Variants in DEPDC5 observed in about 807,000 individuals in gnomAD.
DEPDC5 encodes DEP domain containing 5, GATOR1 subcomplex subunit, also known as GATOR1 complex protein DEPDC5.
In DEPDC5, 73 loss-of-function variants were observed where a neutral mutation model predicts 217.3. The ratio of observed to expected loss-of-function variants is 0.34; its 90% CI spans 0.28 to 0.41. The LOEUF (loss-of-function observed/expected upper bound fraction) is 0.41. DEPDC5 is among the 10% of genes least tolerant of loss of function. The probability of loss-of-function intolerance (pLI) is 1.00; values close to 1 mark genes in which losing one functional copy is unlikely to be tolerated. For missense variants in DEPDC5, 1,675 were observed against 2,070.1 expected, an observed-to-expected ratio of 0.81 and a Z score of 3.70; for synonymous variants, 733 against 756.7, an observed-to-expected ratio of 0.97 and a Z score of 0.51.
At chr22:31,814,359 C>A (rs1033957481) in intron 20 of DEPDC5, 1 of 152,372 alleles carries the variant, frequency 6.6e-6, no homozygotes, top group Non-Finnish European at 1.5e-5. Flanking sequence ...TCCCTAAATG[C>A]CCTCTAATAG....
Position 31,758,393 on chromosome 22 carries a change from C to G in DEPDC5, c.59-153C>G. On this transcript the variant is annotated intron_variant, in intron 2 of 42. Transcript: ENST00000651528. ...TGTAGCTTGGTGTTCCTGTGTGAAT[C>G]CATTAGTCATTGTAAGCCTCGTTTC... The G allele has an allele frequency of 6.1e-6, 4 of 655,892 alleles. No homozygotes were observed. In the South Asian group the frequency reaches 6.9e-5, roughly 11 times the overall value. 40.6% of individuals were successfully genotyped at this position (655,892 alleles called of 1,614,324 possible).
intron 12 of DEPDC5, among the ~76,000 whole-genome samples, chr22:31,796,179 C>A (rs1349139409): frequency 6.7e-6 from 1 of 149,628 alleles, no homozygotes; most frequent in Non-Finnish European, 1.5e-5. Context: ...TGGCTCACTG[C>A]AAGCTCTGCC....
chr22:31,784,635 AAG>A, intron 9 of DEPDC5, 177 bp from the exon 10 acceptor site: 1 of 497,192 alleles, frequency 2.0e-6, no homozygotes, highest in African/African-American at 2.0e-5. Flanking sequence ...AAAAAAAAAA[AAG>A]ATGTACAAAA....
chr22:31,800,677 A>T (rs2086773498), intron 14 of DEPDC5, among the ~76,000 whole-genome samples: 1 of 151,870 alleles, frequency 6.6e-6, no homozygotes, highest in East Asian at 1.9e-4. Context: ...AATCTACTTT[A>T]AAAAAAATTA....
At chr22:31,877,117 T>C (rs1163430519) in intron 37 of DEPDC5, among the ~76,000 whole-genome samples, 1 of 151,648 alleles carries the variant, frequency 6.6e-6, no homozygotes, top group Non-Finnish European at 1.5e-5. Context: ...TACTGCAGCC[T>C]GGTTGACAGT....
chr22:31,785,282 GTAA>G (rs746798574), intron 10 of DEPDC5, among the ~76,000 whole-genome samples: 70 of 121,466 alleles, frequency 5.8e-4, no homozygotes, highest in Non-Finnish European at 1.0e-3. Flanking sequence ...ACTCCACAAA[GTAA>G]GTATTAGAGC....
rs199744397 is a variant in DEPDC5 at position 31,783,940 on chromosome 22, A to C, written c.517A>C (p.Ile173Leu). 1 of 1,613,774 alleles carries C rather than the reference A, an allele frequency of 6.2e-7. No individual in the cohort carries two copies. Among genetic ancestry groups the C allele is most frequent in the East Asian group, 2.2e-5 (1 of 44,840 alleles). ...VFRSTSAMVYIFIQMSCEMWD... is the reference protein window; with the variant it reads ...VFRSTSAMVYLFIQMSCEMWD... ...TCGTTCTACGTCGGCTATGGTTTAC[A>C]TATTTATTCAGATGAGCTGTGAAAT... is the stretch of plus-strand genomic sequence containing the variant. Residue 173 changes from isoleucine to leucine, a missense_variant, in exon 9 of 43, where the codon ATA becomes CTA. Physicochemically the swap from Ile to Leu is conservative, Grantham distance 5 (BLOSUM62 2). Around this residue, in one of 11 missense-constraint regions of DEPDC5, gnomAD observed 628 missense variants for 762.1 expected, o/e 0.82. Coordinates refer to ENST00000651528, the MANE Select transcript of DEPDC5 (RefSeq NM_001242896.3).
intron 24 of DEPDC5, among the ~76,000 whole-genome samples, chr22:31,829,024 C>T (rs1248166602): frequency 6.6e-6 from 1 of 152,158 alleles, no homozygotes; most frequent in Non-Finnish European, 1.5e-5. Context: ...ATCAGAATTC[C>T]CCCTGCCCCT....
chr22:31,879,409 G>A, intron 37 of DEPDC5, 116 bp from the exon 38 acceptor site: 5 of 920,026 alleles, frequency 5.4e-6, no homozygotes, highest in Non-Finnish European at 8.4e-6. Context: ...ATGTGGCCTT[G>A]TGTGTCGGCT....
intron 31 of DEPDC5, among the ~76,000 whole-genome samples, chr22:31,852,577 G>A (rs2092088598): frequency 6.6e-6 from 1 of 152,048 alleles, no homozygotes; most frequent in Non-Finnish European, 1.5e-5. Flanking sequence ...GACCTCAGGT[G>A]TTCCACCTGC....
chr22:31,802,123 A>G (rs1277440827), intron 14 of DEPDC5, among the ~76,000 whole-genome samples: 1 of 146,292 alleles, frequency 6.8e-6, no homozygotes, highest in African/African-American at 2.5e-5. Flanking sequence ...TAACAGCATG[A>G]ATTTTTTTTT....
chr22:31,762,198 G>T (rs1349206736), intron 4 of DEPDC5, among the ~76,000 whole-genome samples: 2 of 152,250 alleles, frequency 1.3e-5, no homozygotes, highest in Admixed American at 1.3e-4. Flanking sequence ...ACCACATTGT[G>T]CAAGGTACTA....
intron 31 of DEPDC5, among the ~76,000 whole-genome samples, chr22:31,848,714 G>C (rs1418671027): frequency 6.6e-6 from 1 of 152,168 alleles, no homozygotes; most frequent in Non-Finnish European, 1.5e-5. Context: ...TTAACATTAA[G>C]CTCCTCCTTA....
At position 31,885,005 on chromosome 22, in the gene DEPDC5, G is replaced by A. The variant is rs116590835; in HGVS notation, c.4033+5253G>A. Among the ~76,000 whole-genome samples, 808 of 152,168 alleles carry A rather than the reference G, an allele frequency of 5.3e-3. 10 individuals carry two copies. The highest frequency in any genetic ancestry group is 0.019 in the African/African-American group (779 of 41,510). ...TCCTTACTCTGTCTCCTCTATGATC[G>A]TGGTTCGAGCCACCTTCATCTTCTG... is the stretch of plus-strand genomic sequence containing the variant. On this transcript the variant is annotated intron_variant, in intron 38 of 42. Coordinates refer to ENST00000651528, the MANE Select transcript of DEPDC5 (RefSeq NM_001242896.3).
intron 31 of DEPDC5, among the ~76,000 whole-genome samples, chr22:31,848,753 A>G (rs891399091): frequency 1.3e-5 from 2 of 152,102 alleles, no homozygotes; most frequent in African/African-American, 4.8e-5. Flanking sequence ...GTAGGCTTGA[A>G]TTTCCTCCCA....
At chr22:31,896,266 C>A (rs1035022656) in intron 39 of DEPDC5, among the ~76,000 whole-genome samples, 2 of 152,130 alleles carry the variant, frequency 1.3e-5, no homozygotes, top group Non-Finnish European at 2.9e-5. Context: ...TGTTAAAAAT[C>A]AGATTTTATT....
chr22:31,805,274 C>T (rs2087376477), intron 17 of DEPDC5, among the ~76,000 whole-genome samples: 1 of 152,168 alleles, frequency 6.6e-6, no homozygotes, highest in Admixed American at 6.5e-5. Context: ...GATTCCAGCT[C>T]AGGGATGGCT....
At chr22:31,898,765 C>T (rs2093598361) in intron 40 of DEPDC5, among the ~76,000 whole-genome samples, 1 of 152,150 alleles carries the variant, frequency 6.6e-6, no homozygotes, top group South Asian at 2.1e-4. Flanking sequence ...TTTATAGACA[C>T]AATGTTCTAA....
chr22:31,863,323 C>T (rs546698716), intron 33 of DEPDC5, among the ~76,000 whole-genome samples: 1 of 152,316 alleles, frequency 6.6e-6, no homozygotes, highest in Non-Finnish European at 1.5e-5. Flanking sequence ...TGCACCACAA[C>T]GCCCGGCTAA....
Sources: gnomAD v4.1 joint callset for allele counts (sites outside exome capture counted in the v4.1 genomes callset) on GRCh38, gnomAD v4.1.1 for gene constraint, gnomAD v4.1.1 regional missense constraint, MANE v1.5 for transcripts, NCBI Gene and HGNC (gene_info 2026-07-23, HGNC 2026-07-21) for gene names.